Variants in KCNIP4 observed in about 807,000 individuals in gnomAD.
The protein encoded by KCNIP4 is Kv channel-interacting protein 4.
Under a neutral mutation model 34.0 loss-of-function variants are expected in KCNIP4, and 12 were observed. The observed-to-expected ratio is 0.35, with a 90% CI of 0.23 to 0.57. The LOEUF (loss-of-function observed/expected upper bound fraction) is 0.57, where lower values mean the gene tolerates loss of function less well. KCNIP4 is among the 20% of genes least tolerant of loss of function. The pLI is 0.83. For synonymous variants in KCNIP4, 124 were observed against 102.2 expected, an observed-to-expected ratio of 1.21 and a Z score of -1.29; for missense variants, 238 against 311.7, an observed-to-expected ratio of 0.76 and a Z score of 1.78.
intron 1 of KCNIP4, among the ~76,000 whole-genome samples, chr4:21,200,748 T>C (rs370269354): frequency 4.6e-4 from 70 of 151,756 alleles, no homozygotes; most frequent in African/African-American, 1.6e-3. Context: ...ATACAATTCA[T>C]GCATGTAACA....
chr4:21,096,708 T>C (rs1005882403), intron 1 of KCNIP4, among the ~76,000 whole-genome samples: 1 of 152,166 alleles, frequency 6.6e-6, no homozygotes, highest in Admixed American at 6.6e-5. Flanking sequence ...TTACAATATA[T>C]ATTTGGTTTT....
intron 1 of KCNIP4, among the ~76,000 whole-genome samples, chr4:21,262,058 C>A (rs1408235332): frequency 2.0e-5 from 3 of 152,240 alleles, no homozygotes; most frequent in African/African-American, 7.2e-5. Context: ...TCTGTTCACT[C>A]ACCATGCTCC....
intron 1 of KCNIP4, among the ~76,000 whole-genome samples, chr4:21,224,178 A>C (rs1471336722): frequency 1.3e-5 from 2 of 152,208 alleles, no homozygotes; most frequent in South Asian, 2.1e-4. Flanking sequence ...TGCCGTAACA[A>C]AAATATCACA....
chr4:20,798,540 G>C (rs4697182), intron 3 of KCNIP4, among the ~76,000 whole-genome samples: 87,000 of 150,020 alleles, frequency 0.58, 25,445 homozygotes, highest in South Asian at 0.72. Context: ...CACACACACA[G>C]ACACACAAAA....
intron 1 of KCNIP4, among the ~76,000 whole-genome samples, chr4:21,667,680 T>C (rs976341171): frequency 6.6e-6 from 1 of 152,226 alleles, no homozygotes; most frequent in Non-Finnish European, 1.5e-5. Flanking sequence ...TTAGTCTCCA[T>C]AGTAAGGTAT....
chr4:20,860,226 G>C (rs796908289), intron 2 of KCNIP4, among the ~76,000 whole-genome samples: 8 of 151,656 alleles, frequency 5.3e-5, no homozygotes, highest in African/African-American at 1.9e-4. Flanking sequence ...TGCAAGCTCC[G>C]CCTCCCAGGT....
chr4:21,447,537 C>G (rs1024396676), intron 1 of KCNIP4, among the ~76,000 whole-genome samples: 5 of 152,082 alleles, frequency 3.3e-5, no homozygotes, highest in African/African-American at 1.2e-4. Context: ...TTCCAAGCCC[C>G]CTAGTGGATG....
intron 1 of KCNIP4, among the ~76,000 whole-genome samples, chr4:21,704,493 G>A (rs1456685856): frequency 6.6e-6 from 1 of 152,102 alleles, no homozygotes; most frequent in Non-Finnish European, 1.5e-5. Flanking sequence ...AGTATATAAA[G>A]ACTTTGAATA....
In KCNIP4 at chr4:21,693,454, G is replaced by A. The variant is rs376831159; in HGVS notation, c.61+255117C>T. Among the ~76,000 whole-genome samples the A allele has an allele frequency of 2.5e-4, 38 of 152,104 alleles. 1 individual carries two copies. The South Asian group carries it at 6.2e-3, about 25-fold the overall frequency. On this transcript the variant is annotated intron_variant, in intron 1 of 8. Transcript: ENST00000382152. ...AGAGCGCCTGTAATCCCAGCTACTCGGGAGGCTGAGGCAGAGAGAATTGAT... is the reference window on the plus strand; with the variant it reads ...AGAGCGCCTGTAATCCCAGCTACTCAGGAGGCTGAGGCAGAGAGAATTGAT...
At chr4:20,953,725 T>C (rs1478188372) in intron 1 of KCNIP4, among the ~76,000 whole-genome samples, 1 of 152,166 alleles carries the variant, frequency 6.6e-6, no homozygotes, top group East Asian at 1.9e-4. Context: ...AATGAATGAA[T>C]GAATGCTGTT....
chr4:21,336,558 T>C (rs955116530), intron 1 of KCNIP4, among the ~76,000 whole-genome samples: 1 of 152,194 alleles, frequency 6.6e-6, no homozygotes, highest in Non-Finnish European at 1.5e-5. Context: ...AATTTGATTC[T>C]TAAATATCAA....
At chr4:20,831,702 T>C (rs1381066056) in intron 3 of KCNIP4, among the ~76,000 whole-genome samples, 2 of 152,222 alleles carry the variant, frequency 1.3e-5, no homozygotes, top group African/African-American at 2.4e-5. Flanking sequence ...TATTCAGTAA[T>C]AGGCTTGCCT....
chr4:21,592,973 T>A (rs1355820060), intron 1 of KCNIP4, among the ~76,000 whole-genome samples: 2 of 152,096 alleles, frequency 1.3e-5, no homozygotes, highest in Non-Finnish European at 2.9e-5. Context: ...AAGGAAAAAC[T>A]TATGAGTTTA....
chr4:20,756,172 TAA>T (rs61417409), intron 4 of KCNIP4, among the ~76,000 whole-genome samples: 10 of 139,286 alleles, frequency 7.2e-5, no homozygotes, highest in Admixed American at 3.6e-4. Flanking sequence ...TGGAAAGTAG[TAA>T]AAAAAAAAAA....
At chr4:21,185,051 C>CA (rs1197988470) in intron 1 of KCNIP4, among the ~76,000 whole-genome samples, 1 of 151,844 alleles carries the variant, frequency 6.6e-6, no homozygotes, top group South Asian at 2.1e-4. Flanking sequence ...CCAAGAGTTG[C>CA]AAAAAAATTC....
intron 1 of KCNIP4, among the ~76,000 whole-genome samples, chr4:20,913,808 C>A (rs1433768594): frequency 6.6e-6 from 1 of 152,176 alleles, no homozygotes; most frequent in Admixed American, 6.5e-5. Flanking sequence ...ATATACCTCA[C>A]TCATAGGGTT....
In KCNIP4 at chr4:20,737,123, A is replaced by G. The variant is rs577242053; in HGVS notation, c.430-2388T>C. Among the ~76,000 whole-genome samples the G allele has an allele frequency of 1.9e-4, 29 of 152,216 alleles. No homozygotes were observed. The South Asian group carries it at 6.0e-3, about 32-fold the overall frequency. On this transcript the variant is annotated intron_variant, in intron 5 of 8. Transcript: ENST00000382152. ...CATACTTAGTTTGCTTCCCATTGGC[A>G]TGAAGGGTAGAATGTCAAGTGAGAG...
intron 1 of KCNIP4, among the ~76,000 whole-genome samples, chr4:21,942,666 AT>A (rs1730265069): frequency 6.6e-6 from 1 of 152,246 alleles, no homozygotes; most frequent in South Asian, 2.1e-4. Flanking sequence ...TCAAATGTGA[AT>A]TGTAACTTTG....
At chr4:21,262,403 A>G (rs1340743539) in intron 1 of KCNIP4, among the ~76,000 whole-genome samples, 1 of 152,134 alleles carries the variant, frequency 6.6e-6, no homozygotes, top group Non-Finnish European at 1.5e-5. Flanking sequence ...TTGACTGTAC[A>G]TGGAGAGCCT....
Sources: allele counts gnomAD v4.1 joint callset (sites outside exome capture counted in the v4.1 genomes callset), GRCh38; gene constraint gnomAD v4.1.1; transcripts MANE v1.5; gene names NCBI Gene and HGNC (gene_info 2026-07-23, HGNC 2026-07-21).